Variants in ZC3H12B observed in about 807,000 individuals in gnomAD.
ZC3H12B encodes the protein zinc finger CCCH-type containing 12B.
ZC3H12B carries 7 observed loss-of-function variants against 43.9 expected under a neutral mutation model. That is an observed-to-expected ratio of 0.16 (90% CI 0.09 to 0.30). The LOEUF (loss-of-function observed/expected upper bound fraction) is 0.30. Ranked by LOEUF, ZC3H12B falls within the 10% of genes least tolerant of loss-of-function variation. The probability of loss-of-function intolerance (pLI) is 1.00; values close to 1 mark genes in which losing one functional copy is unlikely to be tolerated. For missense variants in ZC3H12B, 475 were observed against 670.2 expected (o/e 0.71, Z 3.22); for synonymous variants, 222 against 241.7 (o/e 0.92, Z 0.76).
At chrX:65,385,402 T>C (rs2066508117) in intron 2 of ZC3H12B, among the ~76,000 whole-genome samples, 1 of 111,789 alleles carries the variant, frequency 8.9e-6, no homozygotes, top group South Asian at 3.7e-4. Flanking sequence ...TTTTATTCTC[T>C]TTGAAGCCAT....
chrX:65,264,254 C>T, the ZC3H12B span, among the ~76,000 whole-genome samples: 6 of 111,231 alleles, frequency 5.4e-5, no homozygotes, highest in South Asian at 3.7e-4. Context: ...CAGACTTCAC[C>T]GCTATACAGT....
intron 4 of ZC3H12B, among the ~76,000 whole-genome samples, chrX:65,501,511 T>A (rs2068366938): frequency 9.0e-6 from 1 of 111,148 alleles, no homozygotes; most frequent in Non-Finnish European, 1.9e-5. Flanking sequence ...CACCTCAGCC[T>A]CCCAAACTGC....
the ZC3H12B span, among the ~76,000 whole-genome samples, chrX:65,311,481 A>G: frequency 8.9e-6 from 1 of 112,095 alleles, no homozygotes; most frequent in African/African-American, 3.2e-5. Flanking sequence ...GATCATTAAA[A>G]TGTCAGGAAA....
At chrX:65,286,851 C>T in the ZC3H12B span, among the ~76,000 whole-genome samples, 2 of 110,636 alleles carry the variant, frequency 1.8e-5, no homozygotes, top group African/African-American at 6.6e-5. Context: ...AAAAAGTTAT[C>T]CCACGCAAAT....
the ZC3H12B span, among the ~76,000 whole-genome samples, chrX:65,283,888 C>A: frequency 9.0e-6 from 1 of 111,245 alleles, no homozygotes; most frequent in African/African-American, 3.3e-5. Context: ...GCCTGGGTGG[C>A]AGTTCCCAGT....
the ZC3H12B span, among the ~76,000 whole-genome samples, chrX:65,323,286 TAC>T: frequency 8.9e-6 from 1 of 111,995 alleles, no homozygotes; most frequent in Non-Finnish European, 1.9e-5. Context: ...CCTTATCATA[TAC>T]AGTTATTATT....
At chrX:65,107,338 G>A in the ZC3H12B span, among the ~76,000 whole-genome samples, 1 of 111,079 alleles carries the variant, frequency 9.0e-6, no homozygotes, top group Non-Finnish European at 1.9e-5. Context: ...CATCAGTTAT[G>A]AGACAATAAA....
At chrX:65,262,753 T>C in the ZC3H12B span, among the ~76,000 whole-genome samples, 2 of 110,979 alleles carry the variant, frequency 1.8e-5, no homozygotes, top group Non-Finnish European at 3.8e-5. Context: ...AAGGTCATTT[T>C]CTCCCTCATC....
intron 2 of ZC3H12B, among the ~76,000 whole-genome samples, chrX:65,373,290 G>A (rs1302153878): frequency 8.9e-6 from 1 of 112,076 alleles, no homozygotes; most frequent in African/African-American, 3.2e-5. Context: ...TATACTGTTG[G>A]TGGGACTGTA....
At chrX:65,455,433 A>G (rs776747269) in intron 3 of ZC3H12B, among the ~76,000 whole-genome samples, 67 of 112,109 alleles carry the variant, frequency 6.0e-4, no homozygotes, top group African/African-American at 1.9e-3. Context: ...GAGAAAAAAG[A>G]ATAAAAAGAA....
the ZC3H12B span, among the ~76,000 whole-genome samples, chrX:65,331,923 G>A: frequency 9.0e-6 from 1 of 111,340 alleles, no homozygotes; most frequent in Admixed American, 9.6e-5. Flanking sequence ...ATGACCAGAG[G>A]TCACTCTTGT....
the ZC3H12B span, among the ~76,000 whole-genome samples, chrX:65,314,506 A>C: frequency 8.9e-6 from 1 of 112,137 alleles, no homozygotes; most frequent in African/African-American, 3.2e-5. Context: ...ACATTGTTAA[A>C]GTGCTGAATA....
chrX:65,445,917 T>G (rs2067369896), intron 3 of ZC3H12B, among the ~76,000 whole-genome samples: 1 of 111,114 alleles, frequency 9.0e-6, no homozygotes, highest in Admixed American at 9.6e-5. Flanking sequence ...GCAGAAAGAG[T>G]GTTTTCCTAT....
At chrX:65,203,241 C>G in the ZC3H12B span, among the ~76,000 whole-genome samples, 1 of 112,284 alleles carries the variant, frequency 8.9e-6, no homozygotes, top group East Asian at 2.8e-4. Flanking sequence ...CCTCTGGTAC[C>G]TAAGGCGTGA....
At chrX:65,428,698 T>A (rs2067114074) in intron 3 of ZC3H12B, among the ~76,000 whole-genome samples, 1 of 112,335 alleles carries the variant, frequency 8.9e-6, no homozygotes, top group African/African-American at 3.2e-5. Flanking sequence ...GGTTACAACA[T>A]GTTCCTTTAG....
intron 2 of ZC3H12B, among the ~76,000 whole-genome samples, chrX:65,371,428 C>T (rs1029402311): frequency 2.8e-4 from 31 of 111,133 alleles, no homozygotes; most frequent in Non-Finnish European, 3.8e-4. Context: ...ATTTCTAAGC[C>T]CAGTTTTTTT....
the ZC3H12B span, among the ~76,000 whole-genome samples, chrX:65,264,491 C>T: frequency 9.0e-6 from 1 of 111,526 alleles, no homozygotes; most frequent in Non-Finnish European, 1.9e-5. Flanking sequence ...ACAGAATTGA[C>T]CCATATCTCA....
At chrX:65,202,097 ATATTTT>A in the ZC3H12B span, among the ~76,000 whole-genome samples, 1 of 91,623 alleles carries the variant, frequency 1.1e-5, no homozygotes, top group Admixed American at 1.4e-4. Context: ...TGTAATATAT[ATATTTT>A]ATATAATATA....
At chrX:65,073,346 T>C in the ZC3H12B span, among the ~76,000 whole-genome samples, 4 of 112,002 alleles carry the variant, frequency 3.6e-5, no homozygotes, top group Non-Finnish European at 5.6e-5. Flanking sequence ...TATGTGTCTG[T>C]GGGGGCCACT....
Sources: gnomAD v4.1 joint callset for allele counts (sites outside exome capture counted in the v4.1 genomes callset) on GRCh38, gnomAD v4.1.1 for gene constraint, MANE v1.5 for transcripts, NCBI Gene and HGNC (gene_info 2026-07-23, HGNC 2026-07-21) for gene names.